SLC38A1: variants seen among roughly 807,000 people sequenced by gnomAD.
The protein encoded by SLC38A1 is solute carrier family 38 member 1.
Under a neutral mutation model 60.3 loss-of-function variants are expected in SLC38A1, and 18 were observed. That is an observed-to-expected ratio of 0.30 (90% confidence interval 0.21 to 0.44). The LOEUF (loss-of-function observed/expected upper bound fraction) is 0.44, where lower values mean the gene tolerates loss of function less well. SLC38A1 is among the 20% of genes least tolerant of loss of function. The pLI is 1.00. For synonymous variants in SLC38A1, 196 were observed against 212.1 expected, an observed-to-expected ratio of 0.92 and a Z score of 0.66; for missense variants, 448 against 587.2, an observed-to-expected ratio of 0.76 and a Z score of 2.45.
Position 46,229,648 on chromosome 12 carries a change from A to G in SLC38A1, c.123-9T>C. The G allele has an allele frequency of 6.2e-7, 1 of 1,608,630 alleles. No individual in the cohort carries two copies. The highest frequency in any genetic ancestry group is 8.5e-7 in the Non-Finnish European group (1 of 1,175,562). ...GATCAGAAATAAACTTGCTGTAAAG[A>G]CATGCGTAATATATTTAACCTTATG... On this transcript the variant is annotated splice_polypyrimidine_tract_variant and intron_variant, in intron 3 of 16. Coordinates refer to ENST00000398637, the MANE Select transcript of SLC38A1 (RefSeq NM_030674.4).
chr12:46,229,341 T>C, intron 4 of SLC38A1, 73 bp from the exon 5 acceptor site: 3 of 1,051,928 alleles, frequency 2.9e-6, no homozygotes, highest in Non-Finnish European at 4.3e-6. Flanking sequence ...AAGCCTTTAA[T>C]GCACTCTCAG....
At position 46,258,688 on chromosome 12, in the gene SLC38A1, C is replaced by G. The variant is rs541193310; in HGVS notation, c.-209+9838G>C. Among the ~76,000 whole-genome samples, 646 of 152,320 alleles carry G rather than the reference C, an allele frequency of 4.2e-3. 2 individuals carry two copies. Among genetic ancestry groups the G allele is most frequent in the Non-Finnish European group, 6.4e-3 (434 of 68,020 alleles). On this transcript the variant is annotated intron_variant, in intron 1 of 16. Transcript: ENST00000398637. ...TTATTTATTGAGATGAAATCTCACT[C>G]TGTCACCCAGGCTGGAGTGTAGTGA...
chr12:46,247,403 G>A (rs1027849485), intron 1 of SLC38A1, among the ~76,000 whole-genome samples: 40 of 152,266 alleles, frequency 2.6e-4, no homozygotes, highest in African/African-American at 8.7e-4. Context: ...AGCTTCAACA[G>A]CCAATTCGAT....
intron 1 of SLC38A1, among the ~76,000 whole-genome samples, chr12:46,264,070 A>C (rs1360085292): frequency 1.3e-5 from 2 of 152,224 alleles, no homozygotes; most frequent in African/African-American, 2.4e-5. Flanking sequence ...CTGGAGTTGA[A>C]GTCTTGGCAC....
At chr12:46,199,057 C>G (rs1939519664) in intron 13 of SLC38A1, among the ~76,000 whole-genome samples, 1 of 151,892 alleles carries the variant, frequency 6.6e-6, no homozygotes, top group Non-Finnish European at 1.5e-5. Context: ...AAACGCGAAG[C>G]TGCTCTTAAT....
chr12:46,200,975 TAGAAAAACCA>T, intron 13 of SLC38A1, 113 bp downstream of exon 13: 1 of 710,254 alleles, frequency 1.4e-6, no homozygotes, highest in South Asian at 1.8e-5. Flanking sequence ...AAGAAAAAAC[TAGAAAAACCA>T]ATGGATAGCT....
chr12:46,237,197 G>C (rs985504854), intron 3 of SLC38A1, among the ~76,000 whole-genome samples: 1 of 152,168 alleles, frequency 6.6e-6, no homozygotes, highest in Non-Finnish European at 1.5e-5. Context: ...TCACTGTTTG[G>C]GGAGAAGTGG....
chr12:46,225,602 G>A (rs887932324), intron 5 of SLC38A1, among the ~76,000 whole-genome samples: 2 of 152,138 alleles, frequency 1.3e-5, no homozygotes, highest in Non-Finnish European at 2.9e-5. Context: ...CCAAAGAAGA[G>A]GGTCTTAGAC....
intron 3 of SLC38A1, among the ~76,000 whole-genome samples, chr12:46,229,991 G>A (rs2137942344): frequency 6.6e-6 from 1 of 152,226 alleles, no homozygotes; most frequent in South Asian, 2.1e-4. Context: ...TATACATTTT[G>A]AATCATTTTA....
At chr12:46,229,704 AATG>A in intron 3 of SLC38A1, 65 bp from the exon 4 acceptor site, 23 of 1,357,538 alleles carry the variant, frequency 1.7e-5, no homozygotes, top group Non-Finnish European at 2.3e-5. Flanking sequence ...ATCTTTACTA[AATG>A]ATATGTTACT....
rs537775601 is a variant in SLC38A1 at position 46,231,549 on chromosome 12, G to A, written c.123-1910C>T. Among the ~76,000 whole-genome samples, 26 of 152,270 alleles carry A rather than the reference G, an allele frequency of 1.7e-4. No individual in the cohort carries two copies. In the South Asian group the frequency reaches 4.6e-3, roughly 27 times the overall value. Reference sequence around the variant, plus strand: ...TCTGGAAATTCAATTACCTGATCATGGTTAGAACAAATGACAGTGAATTTT... The same window carrying A: ...TCTGGAAATTCAATTACCTGATCATAGTTAGAACAAATGACAGTGAATTTT... On this transcript the variant is annotated intron_variant, in intron 3 of 16. Transcript: ENST00000398637.
At chr12:46,258,345 A>G (rs1332669341) in intron 1 of SLC38A1, among the ~76,000 whole-genome samples, 1 of 152,146 alleles carries the variant, frequency 6.6e-6, no homozygotes, top group Non-Finnish European at 1.5e-5. Context: ...CATGCCTCTG[A>G]CAGAAGTAGT....
intron 8 of SLC38A1, among the ~76,000 whole-genome samples, chr12:46,206,928 G>A (rs918997391): frequency 6.6e-6 from 1 of 152,156 alleles, no homozygotes; most frequent in African/African-American, 2.4e-5. Flanking sequence ...AGTATCTACC[G>A]CTCATAGCAT....
chr12:46,202,927 A>C, intron 12 of SLC38A1, 83 bp downstream of exon 12: 1 of 999,792 alleles, frequency 1.0e-6, no homozygotes, highest in South Asian at 1.4e-5. Context: ...TCATTAGACA[A>C]GTCCGTTTAT....
intron 4 of SLC38A1, 74 bp downstream of exon 4, chr12:46,229,490 T>C: frequency 8.6e-7 from 1 of 1,158,362 alleles, no homozygotes; most frequent in Non-Finnish European, 1.3e-6. Context: ...GGTACTATGC[T>C]ACTTGAATTA....
rs962463972 is a variant in SLC38A1, at chr12:46,234,605, A to G, written c.123-4966T>C. Reference sequence around the variant, plus strand: ...TGGGACCACAGGCGCCCGCCACCGTACCCGGCTAATTTTTTGTATTTTTAG... The same window carrying G: ...TGGGACCACAGGCGCCCGCCACCGTGCCCGGCTAATTTTTTGTATTTTTAG... On this transcript the variant is annotated intron_variant, in intron 3 of 16. Coordinates refer to ENST00000398637, the MANE Select transcript of SLC38A1 (RefSeq NM_030674.4). Among the ~76,000 whole-genome samples, 13 of 151,820 alleles carry G rather than the reference A, an allele frequency of 8.6e-5. No homozygotes were observed. In the East Asian group the frequency reaches 2.1e-3, roughly 25 times the overall value.
chr12:46,189,477 A>G (rs1255704877), intron 16 of SLC38A1, among the ~76,000 whole-genome samples: 1 of 152,216 alleles, frequency 6.6e-6, no homozygotes, highest in African/African-American at 2.4e-5. Context: ...ATCACTGGCA[A>G]GCAAACATTT....
rs1939499277 is a variant in SLC38A1 at position 46,198,665 on chromosome 12, A to G, written c.1082T>C (p.Ile361Thr). 3 of 1,613,706 alleles carry G rather than the reference A, an allele frequency of 1.9e-6. No homozygotes were observed. Among genetic ancestry groups the G allele is most frequent in the South Asian group, 2.2e-5 (2 of 91,036 alleles). Residue 361 changes from isoleucine to threonine, a missense_variant, in exon 14 of 17, where the codon ATT becomes ACT. Transcript: ENST00000398637. ...ILILTVRLAV[I>T]VAVILTVPVL... is the part of the protein sequence containing the mutation. ...CGGCACTGTGAGGATCACAGCAACA[A>G]TGACAGCCAGCCGCACTGTCAGGAT...
intron 1 of SLC38A1, among the ~76,000 whole-genome samples, chr12:46,266,161 G>A (rs1224179054): frequency 2.0e-5 from 3 of 152,112 alleles, no homozygotes; most frequent in Non-Finnish European, 2.9e-5. Context: ...TCAAGGTCTC[G>A]ATCCAACAAG....
Sources: allele counts gnomAD v4.1 joint callset (sites outside exome capture counted in the v4.1 genomes callset), GRCh38; gene constraint gnomAD v4.1.1; transcripts MANE v1.5; gene names NCBI Gene and HGNC (gene_info 2026-07-23, HGNC 2026-07-21).